The following FAF1 variants were observed in gnomAD, a reference collection of about 807,000 sequenced individuals.
The protein encoded by FAF1 is Fas associated factor 1.
Under a neutral mutation model 92.5 loss-of-function variants are expected in FAF1, and 25 were observed. That is an observed-to-expected ratio of 0.27 (90% CI 0.20 to 0.38). FAF1 has a LOEUF of 0.38. FAF1 is among the 10% of genes least tolerant of loss of function. FAF1 has a pLI of 1.00. For missense variants in FAF1, 636 were observed against 793.3 expected, an observed-to-expected ratio of 0.80 and a Z score of 2.38; for synonymous variants, 234 against 273.2, an observed-to-expected ratio of 0.86 and a Z score of 1.42.
intron 3 of FAF1, among the ~76,000 whole-genome samples, chr1:50,794,514 T>C (rs1661673253): frequency 6.6e-6 from 1 of 152,238 alleles, no homozygotes; most frequent in South Asian, 2.1e-4. Context: ...GTTGGCCAGC[T>C]GTTCAGGTCC....
intron 2 of FAF1, among the ~76,000 whole-genome samples, chr1:50,828,609 C>G (rs903670341): frequency 6.6e-5 from 10 of 152,046 alleles, no homozygotes; most frequent in South Asian, 2.1e-4. Context: ...AATGGATACC[C>G]CATGAGAAAA....
chr1:50,854,632 T>C (rs1644376976), intron 2 of FAF1, among the ~76,000 whole-genome samples: 1 of 151,648 alleles, frequency 6.6e-6, no homozygotes, highest in Non-Finnish European at 1.5e-5. Context: ...AAACATAGAG[T>C]TTGGAATACC....
chr1:50,539,857 A>T, intron 13 of FAF1, 129 bp from the exon 14 acceptor site: 1 of 643,066 alleles, frequency 1.6e-6, no homozygotes, highest in Non-Finnish European at 2.7e-6. Context: ...CAATATGTAA[A>T]ATCTTGCTAT....
chr1:50,593,303 A>C (rs1179217033), intron 9 of FAF1, among the ~76,000 whole-genome samples: 4 of 152,168 alleles, frequency 2.6e-5, no homozygotes, highest in African/African-American at 9.7e-5. Context: ...TGCTGATGGG[A>C]CCACCCAAAT....
chr1:50,521,898 T>C (rs150001571), intron 15 of FAF1, among the ~76,000 whole-genome samples: 31 of 152,330 alleles, frequency 2.0e-4, no homozygotes, highest in African/African-American at 7.2e-4. Context: ...TGAACAGGTG[T>C]GCTGAATTGT....
intron 7 of FAF1, among the ~76,000 whole-genome samples, chr1:50,695,391 T>C (rs1461962067): frequency 6.6e-6 from 1 of 151,820 alleles, no homozygotes; most frequent in Non-Finnish European, 1.5e-5. Context: ...AAAAAAATCA[T>C]CCAGTGGTGC....
intron 7 of FAF1, among the ~76,000 whole-genome samples, chr1:50,676,715 G>C (rs1016901213): frequency 6.7e-6 from 1 of 150,328 alleles, no homozygotes; most frequent in African/African-American, 2.4e-5. Context: ...TTAGCTACTC[G>C]GGAGGCTGAG....
At chr1:50,812,600 A>AG (rs1200748298) in intron 2 of FAF1, among the ~76,000 whole-genome samples, 1 of 152,188 alleles carries the variant, frequency 6.6e-6, no homozygotes, top group African/African-American at 2.4e-5. Flanking sequence ...AGCAGAGAAA[A>AG]GGGAGTGCTT....
intron 4 of FAF1, among the ~76,000 whole-genome samples, chr1:50,782,422 A>T (rs1661211004): frequency 6.6e-6 from 1 of 152,224 alleles, no homozygotes; most frequent in East Asian, 1.9e-4. Context: ...AAGTTAAAAA[A>T]TAATAATTAA....
chr1:50,710,705 CGATTCT>C (rs1292637689), intron 6 of FAF1, among the ~76,000 whole-genome samples: 4 of 151,044 alleles, frequency 2.6e-5, no homozygotes, highest in African/African-American at 9.8e-5. Flanking sequence ...CGGGTTCAAG[CGATTCT>C]CCTGCCCCAG....
In FAF1 at chr1:50,832,963, A is replaced by T. The variant is rs538274544; in HGVS notation, c.114+24966T>A. Among the ~76,000 whole-genome samples the T allele has an allele frequency of 4.6e-5, 7 of 152,114 alleles. No homozygotes were observed. In the South Asian group the frequency reaches 1.5e-3, roughly 32 times the overall value. ...TTCAAATCTTGGAGTCCTTTTTTGC[A>T]GCGAAGACAGGATCTGCAGAGAAGA... On this transcript the variant is annotated intron_variant, in intron 2 of 18. Coordinates refer to ENST00000396153, the MANE Select transcript of FAF1 (RefSeq NM_007051.3).
intron 6 of FAF1, among the ~76,000 whole-genome samples, chr1:50,721,232 C>T (rs1334008465): frequency 6.6e-6 from 1 of 151,550 alleles, no homozygotes; most frequent in African/African-American, 2.4e-5. Flanking sequence ...TAAGTCTCAC[C>T]ACCAGGCTGG....
intron 8 of FAF1, chr1:50,606,925 C>T (rs1652456344): frequency 6.6e-6 from 1 of 152,164 alleles, no homozygotes; most frequent in African/African-American, 2.4e-5. Flanking sequence ...GTTTCCCATT[C>T]AATTCCTGCG....
chr1:50,875,856 A>C (rs1348215868), intron 1 of FAF1, among the ~76,000 whole-genome samples: 4 of 152,050 alleles, frequency 2.6e-5, no homozygotes, highest in African/African-American at 9.7e-5. Flanking sequence ...ATACCTCCCC[A>C]ACTCCCCAGA....
At chr1:50,523,434 C>T (rs1647613027) in intron 15 of FAF1, among the ~76,000 whole-genome samples, 1 of 152,040 alleles carries the variant, frequency 6.6e-6, no homozygotes, top group African/African-American at 2.4e-5. Context: ...TCTTATGTTC[C>T]ATTTTTAAAA....
At chr1:50,740,711 C>T (rs1479080581) in intron 5 of FAF1, among the ~76,000 whole-genome samples, 1 of 152,130 alleles carries the variant, frequency 6.6e-6, no homozygotes, top group East Asian at 1.9e-4. Context: ...AAAAACATTG[C>T]ATTTGGCAAT....
rs538959864 is a variant in FAF1, at chr1:50,744,020, G to A, written c.459+664C>T. ...CAGGAGGCAGAGTTTGCAGTGAGGC[G>A]AGATCATGCCACTACACTCCAGCAT... On this transcript the variant is annotated intron_variant, in intron 5 of 18. Coordinates refer to ENST00000396153, the MANE Select transcript of FAF1 (RefSeq NM_007051.3). Among the ~76,000 whole-genome samples the A allele has an allele frequency of 2.0e-4, 30 of 152,052 alleles. No homozygotes were observed. In the East Asian group the frequency reaches 5.4e-3, roughly 28 times the overall value.
chr1:50,784,411 TGAAAA>T (rs1661291876), intron 4 of FAF1, among the ~76,000 whole-genome samples: 1 of 151,982 alleles, frequency 6.6e-6, no homozygotes, highest in Admixed American at 6.6e-5. Flanking sequence ...CTGAACAATC[TGAAAA>T]GAAAATTAAG....
intron 1 of FAF1, among the ~76,000 whole-genome samples, chr1:50,899,029 C>CT (rs948617565): frequency 6.6e-6 from 1 of 151,986 alleles, no homozygotes; most frequent in South Asian, 2.1e-4. Flanking sequence ...CACTGCTCCT[C>CT]TTTTTTTTCC....
Sources: gnomAD v4.1 joint callset for allele counts (sites outside exome capture counted in the v4.1 genomes callset) on GRCh38, gnomAD v4.1.1 for gene constraint, MANE v1.5 for transcripts, NCBI Gene and HGNC (gene_info 2026-07-23, HGNC 2026-07-21) for gene names.